BRI3: variants seen among roughly 807,000 people sequenced by gnomAD.
The protein encoded by BRI3 is membrane protein BRI3.
In BRI3, 6 loss-of-function variants were observed where a neutral mutation model predicts 12.8. The ratio of observed to expected loss-of-function variants is 0.47; its 90% CI spans 0.26 to 0.93. The LOEUF (loss-of-function observed/expected upper bound fraction) is 0.93, where lower values mean the gene tolerates loss of function less well. Ranked by LOEUF, BRI3 falls within the 40% of genes least tolerant of loss-of-function variation. BRI3 has a pLI of 0.15. For synonymous variants in BRI3, 91 were observed against 76.1 expected (o/e 1.20, Z -1.02); for missense variants, 134 against 171.1 (o/e 0.78, Z 1.21).
At chr7:98,303,948 G>A (rs113515586), upstream of BRI3, among the ~76,000 whole-genome samples, 2 of 152,242 alleles carry the variant, frequency 1.3e-5, no homozygotes, top group Non-Finnish European at 2.9e-5. Context: ...AGGCGACTGT[G>A]TGTAAACTCT....
chr7:98,314,678 C>T (rs1331718524), downstream of BRI3, among the ~76,000 whole-genome samples: 3 of 152,156 alleles, frequency 2.0e-5, no homozygotes, highest in Non-Finnish European at 4.4e-5. Context: ...CCCAGCTGTC[C>T]TGATGCGCGT....
upstream of BRI3, among the ~76,000 whole-genome samples, chr7:98,302,251 C>T (rs1800460029): frequency 6.6e-6 from 1 of 152,182 alleles, no homozygotes; most frequent in Non-Finnish European, 1.5e-5. Context: ...TTTATCCACA[C>T]GATAAATACG....
downstream of BRI3, chr7:98,292,636 CA>C: frequency 6.4e-7 from 1 of 1,551,666 alleles, no homozygotes; most frequent in Non-Finnish European, 8.7e-7. Flanking sequence ...CGCCCTTCTC[CA>C]GGCACCAGAG....
At chr7:98,320,315 A>G in the BRI3 span, 3 of 1,569,242 alleles carry the variant, frequency 1.9e-6, no homozygotes, top group Non-Finnish European at 2.6e-6. Context: ...ACAAAACCAG[A>G]TATGTTAGCG....
chr7:98,305,054 T>G (rs6953099), upstream of BRI3, among the ~76,000 whole-genome samples: 41,341 of 117,590 alleles, frequency 0.35, 7,116 homozygotes, highest in Middle Eastern at 0.46. Context: ...TTTGTTTTTT[T>G]TTTTTTTTTT....
chr7:98,312,009 C>T, downstream of BRI3: 1 of 1,354,668 alleles, frequency 7.4e-7, no homozygotes, highest in Non-Finnish European at 1.0e-6. Flanking sequence ...AAAGGGGGAC[C>T]TGTGATTCCC....
chr7:98,319,516 A>C, the BRI3 span, among the ~76,000 whole-genome samples: 599 of 150,824 alleles, frequency 4.0e-3, 8 homozygotes, highest in Admixed American at 0.03. Flanking sequence ...TTCTGGAAGC[A>C]GTGTGATTTC....
intron 1 of BRI3, chr7:98,306,724 T>C: frequency 2.9e-6 from 2 of 700,326 alleles, no homozygotes; most frequent in Non-Finnish European, 4.5e-6. Context: ...TTTTTTTTAA[T>C]AGAGACAGGG....
the BRI3 span, chr7:98,319,992 G>C: frequency 3.8e-6 from 5 of 1,320,394 alleles, no homozygotes; most frequent in Non-Finnish European, 4.3e-6. Context: ...CAGTGGGAAC[G>C]AGTTCTCCCC....
In BRI3 at chr7:98,291,273, C is replaced by T; in HGVS notation, c.*30C>T. On this transcript the variant is annotated 3_prime_UTR_variant, in exon 3 of 3. Coordinates refer to ENST00000297290, the MANE Select transcript of BRI3 (RefSeq NM_015379.5). ...AACACCAGGCCCGGCTTTCCTACAC[C>T]CAGCTCTCTTTTTCTAATGTAAATG... is the stretch of plus-strand genomic sequence containing the variant. 6.2e-7 allele frequency: 1 copy of T among 1,611,334 alleles called. No homozygotes were observed. The highest frequency in any genetic ancestry group is 8.5e-7 in the Non-Finnish European group (1 of 1,179,478).
chr7:98,308,689 T>C, exon 2 of BRI3: 1 of 198,766 alleles, frequency 5.0e-6, no homozygotes, highest in Non-Finnish European at 1.1e-5. Context: ...TGTATGTATA[T>C]ACATTTGAGA....
chr7:98,305,321 T>TA (rs10708312), upstream of BRI3, among the ~76,000 whole-genome samples: 1,893 of 148,188 alleles, frequency 0.013, 35 homozygotes, highest in African/African-American at 0.04. Context: ...AGCTAAGAGT[T>TA]AAAAAAAAAA....
intron 2 of BRI3, chr7:98,282,781 A>G (rs1232479440): frequency 3.5e-6 from 1 of 286,642 alleles, no homozygotes; most frequent in East Asian, 8.1e-5. Context: ...GGGACTTGCA[A>G]GGAATCAGGT....
At chr7:98,320,169 T>C in the BRI3 span, 1 of 1,594,704 alleles carries the variant, frequency 6.3e-7, no homozygotes, top group Non-Finnish European at 8.6e-7. Flanking sequence ...AGGTTTGAGA[T>C]TTTAAGCAAA....
intron 2 of BRI3, among the ~76,000 whole-genome samples, chr7:98,290,751 C>T (rs561636854): frequency 1.1e-3 from 165 of 151,060 alleles, no homozygotes; most frequent in Non-Finnish European, 2.2e-3. Context: ...CACCCGCCTC[C>T]GCCTCCCACA....
chr7:98,314,550 T>C (rs942580072), downstream of BRI3, among the ~76,000 whole-genome samples: 15 of 152,214 alleles, frequency 9.9e-5, no homozygotes, highest in African/African-American at 3.6e-4. Context: ...ATGTGTTGCA[T>C]CATGATTCCT....
exon 2 of BRI3, chr7:98,310,344 C>A: frequency 1.5e-6 from 2 of 1,358,526 alleles, no homozygotes; most frequent in Non-Finnish European, 2.0e-6. Flanking sequence ...GCTTGTTTAC[C>A]TCCAAACCTT....
upstream of BRI3, among the ~76,000 whole-genome samples, chr7:98,301,529 G>A (rs1024248822): frequency 2.7e-5 from 4 of 150,606 alleles, no homozygotes; most frequent in Non-Finnish European, 4.4e-5. Flanking sequence ...GTGTTAGCCA[G>A]GATGGTTTTG....
At chr7:98,290,195 T>G (rs1483098790) in intron 2 of BRI3, among the ~76,000 whole-genome samples, 1 of 143,882 alleles carries the variant, frequency 7.0e-6, no homozygotes, top group African/African-American at 2.6e-5. Flanking sequence ...TTTTTTTTTT[T>G]TTTTTTTTTT....
Sources: gnomAD v4.1 joint callset for allele counts (sites outside exome capture counted in the v4.1 genomes callset) on GRCh38, gnomAD v4.1.1 for gene constraint, MANE v1.5 for transcripts, NCBI Gene and HGNC (gene_info 2026-07-23, HGNC 2026-07-21) for gene names.